The following NDUFB6 variants were observed in gnomAD, a reference collection of about 807,000 sequenced individuals.
The protein encoded by NDUFB6 is NADH dehydrogenase [ubiquinone] 1 beta subcomplex subunit 6.
NDUFB6 carries 23 observed loss-of-function variants against 17.5 expected under a neutral mutation model. That is an observed-to-expected ratio of 1.31 (90% confidence interval 0.94 to 1.86). The LOEUF (loss-of-function observed/expected upper bound fraction) is 1.86. Ranked by LOEUF, NDUFB6 falls within the 40% of genes most tolerant of loss-of-function variation. The pLI, the probability that NDUFB6 is intolerant of heterozygous loss-of-function variation, is 0.00. For synonymous variants in NDUFB6, 60 were observed against 53.5 expected (o/e 1.12, Z -0.53); for missense variants, 167 against 153.8 (o/e 1.09, Z -0.46).
chr9:32,559,995 CATG>C (rs554744993), intron 2 of NDUFB6, among the ~76,000 whole-genome samples: 2 of 152,168 alleles, frequency 1.3e-5, no homozygotes, highest in Non-Finnish European at 2.9e-5. Context: ...AGATTATTGG[CATG>C]ATATGAGGCA....
At chr9:32,572,237 CA>C in intron 1 of NDUFB6, among the ~76,000 whole-genome samples, 1 of 152,324 alleles carries the variant, frequency 6.6e-6, no homozygotes, top group South Asian at 2.1e-4. Flanking sequence ...TCATCCATAA[CA>C]GTCCTCAAGA....
intron 2 of NDUFB6, chr9:32,566,026 C>T (rs1052206061): frequency 6.0e-6 from 2 of 333,586 alleles, no homozygotes; most frequent in Non-Finnish European, 1.1e-5. Context: ...TCAGATTTGC[C>T]GGAAATATTT....
intron 3 of NDUFB6, among the ~76,000 whole-genome samples, chr9:32,555,081 T>G (rs1365129696): frequency 6.7e-6 from 1 of 150,218 alleles, no homozygotes; most frequent in African/African-American, 2.4e-5. Flanking sequence ...CGCTAGAGAC[T>G]TTCTGTTCCT....
chr9:32,567,948 G>T (rs549607389), intron 2 of NDUFB6: 1 of 168,204 alleles, frequency 5.9e-6, no homozygotes, highest in African/African-American at 2.4e-5. Context: ...TACTTGGTAG[G>T]CTGAGGCAGG....
intron 3 of NDUFB6, among the ~76,000 whole-genome samples, chr9:32,556,264 T>C (rs192083957): frequency 2.6e-5 from 4 of 152,156 alleles, no homozygotes; most frequent in Non-Finnish European, 4.4e-5. Context: ...CAGATAATAT[T>C]TGGGAAGATG....
chr9:32,558,964 A>C lies in NDUFB6; in HGVS notation c.274-10T>G, dbSNP rs539762948. ...TGCCATATGGTTTTTCCTGTAATAA[A>C]AGTTAACTCTGTGTTAATTATGGTG... On this transcript the variant is annotated splice_polypyrimidine_tract_variant and intron_variant, in intron 2 of 3. Transcript: ENST00000379847. 18 of 1,568,226 alleles carry C rather than the reference A, an allele frequency of 1.1e-5. No individual in the cohort carries two copies. Among genetic ancestry groups the C allele is most frequent in the East Asian group, 2.2e-5 (1 of 44,478 alleles).
chr9:32,558,260 C>T (rs865855944), intron 3 of NDUFB6, among the ~76,000 whole-genome samples: 29 of 152,086 alleles, frequency 1.9e-4, no homozygotes, highest in South Asian at 1.0e-3. Flanking sequence ...TACAGGCGCC[C>T]GCCACCACGC....
intron 2 of NDUFB6, among the ~76,000 whole-genome samples, chr9:32,570,577 T>C (rs934685842): frequency 2.6e-5 from 4 of 152,216 alleles, no homozygotes; most frequent in South Asian, 2.1e-4. Flanking sequence ...GAACAGAAAT[T>C]GGGTGATGAC....
chr9:32,557,294 G>T (rs975033286), intron 3 of NDUFB6, among the ~76,000 whole-genome samples: 2 of 149,852 alleles, frequency 1.3e-5, no homozygotes, highest in Non-Finnish European at 3.0e-5. Context: ...CCTCCAGGTA[G>T]CTGGGATTAC....
At position 32,572,861 on chromosome 9, in the gene NDUFB6, C is replaced by A; in HGVS notation, c.180+20G>T. 6.5e-7 allele frequency: 1 copy of A among 1,539,832 alleles called. No homozygotes were observed. The highest frequency in any genetic ancestry group is 1.9e-5 in the Admixed American group (1 of 52,218). On this transcript the variant is annotated intron_variant, in intron 1 of 3. Coordinates refer to ENST00000379847, the MANE Select transcript of NDUFB6 (RefSeq NM_002493.5). ...AGCAGTGGGATGTGTTGGGGGGGAC[C>A]GGAGAGGTCTGTCACTCACCATTTT...
intron 2 of NDUFB6, chr9:32,566,416 C>G: frequency 1.1e-6 from 1 of 876,164 alleles, no homozygotes; most frequent in Non-Finnish European, 2.0e-6. Context: ...GAGGAGCCTG[C>G]TCTCCCTGTT....
chr9:32,569,663 A>C (rs1821895853), intron 2 of NDUFB6, among the ~76,000 whole-genome samples: 1 of 151,698 alleles, frequency 6.6e-6, no homozygotes, highest in Admixed American at 6.6e-5. Context: ...ATAGGTGTGG[A>C]CCACTACATC....
intron 1 of NDUFB6, among the ~76,000 whole-genome samples, chr9:32,572,321 T>A (rs1191069558): frequency 2.0e-5 from 3 of 152,210 alleles, no homozygotes; most frequent in Non-Finnish European, 2.9e-5. Flanking sequence ...GCGATTTTTT[T>A]AATGAAACAC....
At chr9:32,572,657 C>T (rs1821968169) in intron 1 of NDUFB6, among the ~76,000 whole-genome samples, 1 of 152,182 alleles carries the variant, frequency 6.6e-6, no homozygotes, top group African/African-American at 2.4e-5. Context: ...AAATTCGCCC[C>T]CGTCCACTGT....
At chr9:32,566,584 T>C (rs1278347970) in intron 2 of NDUFB6, 4 of 783,702 alleles carry the variant, frequency 5.1e-6, no homozygotes, top group Admixed American at 1.7e-5. Flanking sequence ...TTCTGGCACA[T>C]GGAGCGGAGG....
intron 2 of NDUFB6, among the ~76,000 whole-genome samples, chr9:32,569,385 AT>A (rs1331828890): frequency 6.6e-6 from 1 of 151,366 alleles, no homozygotes; most frequent in Admixed American, 6.6e-5. Flanking sequence ...TGCCCAGCTC[AT>A]TTTTTTTATT....
intron 2 of NDUFB6, chr9:32,565,396 G>T (rs566684607): frequency 1.3e-5 from 2 of 152,174 alleles, no homozygotes; most frequent in African/African-American, 4.8e-5. Context: ...TGGGCATTTA[G>T]AACAGTCAAG....
chr9:32,562,531 G>A (rs1308045833), intron 2 of NDUFB6, among the ~76,000 whole-genome samples: 1 of 152,192 alleles, frequency 6.6e-6, no homozygotes, highest in East Asian at 1.9e-4. Context: ...TAATTTGTTA[G>A]ACAGTCCTTA....
chr9:32,568,748 A>ATATATATTTTTTTTTT (rs1213123923), intron 2 of NDUFB6: 6 of 114,362 alleles, frequency 5.2e-5, no homozygotes, highest in African/African-American at 2.4e-4. Flanking sequence ...ATATATATAT[A>ATATATATTTTTTTTTT]TTTTTTTTTT....
Sources: gnomAD v4.1 joint callset for allele counts (sites outside exome capture counted in the v4.1 genomes callset) on GRCh38, gnomAD v4.1.1 for gene constraint, MANE v1.5 for transcripts, NCBI Gene and HGNC (gene_info 2026-07-23, HGNC 2026-07-21) for gene names.